GRID2: variants seen among roughly 807,000 people sequenced by gnomAD.
The protein encoded by GRID2 is glutamate ionotropic receptor delta type subunit 2.
GRID2 carries 33 observed loss-of-function variants against 114.8 expected under a neutral mutation model. That is an observed-to-expected ratio of 0.29 (90% CI 0.22 to 0.38). The LOEUF (loss-of-function observed/expected upper bound fraction) is 0.38. Among genes scored for constraint, GRID2 ranks in the 10% least tolerant of loss-of-function variants. The pLI is 1.00. For missense variants in GRID2, 1,184 were observed against 1,257.7 expected, an observed-to-expected ratio of 0.94 and a Z score of 0.89; for synonymous variants, 505 against 449.9, an observed-to-expected ratio of 1.12 and a Z score of -1.55.
intron 1 of GRID2, among the ~76,000 whole-genome samples, chr4:92,360,466 A>T (rs879572900): frequency 6.6e-6 from 1 of 151,968 alleles, no homozygotes; most frequent in Non-Finnish European, 1.5e-5. Context: ...TGAGTGCCAT[A>T]TGCCAGATTC....
At chr4:93,112,557 C>T (rs1259091004) in intron 4 of GRID2, among the ~76,000 whole-genome samples, 2 of 152,176 alleles carry the variant, frequency 1.3e-5, no homozygotes, top group Non-Finnish European at 2.9e-5. Flanking sequence ...TTTCCTGAAG[C>T]CTCCTCAGCC....
At chr4:92,663,706 T>A (rs1489668266) in intron 2 of GRID2, among the ~76,000 whole-genome samples, 1 of 151,168 alleles carries the variant, frequency 6.6e-6, no homozygotes, top group African/African-American at 2.4e-5. Context: ...CTTAAACACA[T>A]TAATGTTGTG....
chr4:93,390,914 A>G (rs751953887), intron 8 of GRID2, among the ~76,000 whole-genome samples: 18 of 152,110 alleles, frequency 1.2e-4, no homozygotes, highest in Non-Finnish European at 2.4e-4. Flanking sequence ...ATCAGTTAAC[A>G]AGTTCTTGTT....
chr4:92,642,534 C>A (rs2149254602), intron 2 of GRID2, among the ~76,000 whole-genome samples: 1 of 151,842 alleles, frequency 6.6e-6, no homozygotes, highest in South Asian at 2.1e-4. Flanking sequence ...GAGATGAGAC[C>A]TTTGTCAGAT....
At chr4:92,776,564 C>T (rs1054480999) in intron 2 of GRID2, among the ~76,000 whole-genome samples, 3 of 151,802 alleles carry the variant, frequency 2.0e-5, no homozygotes, top group Admixed American at 1.3e-4. Flanking sequence ...AAAACTGTTA[C>T]GGTCAATTAG....
chr4:92,642,894 T>C (rs1731428603), intron 2 of GRID2, among the ~76,000 whole-genome samples: 2 of 151,672 alleles, frequency 1.3e-5, no homozygotes, highest in African/African-American at 4.8e-5. Context: ...CTCAGCCTTG[T>C]TGAAGATCAG....
At chr4:93,213,809 C>CT in intron 5 of GRID2, among the ~76,000 whole-genome samples, 1 of 150,842 alleles carries the variant, frequency 6.6e-6, no homozygotes, top group East Asian at 1.9e-4. Context: ...TTCCTTTTTT[C>CT]TTCCTCGGGG....
chr4:93,735,247 G>A (rs1003026704), intron 14 of GRID2, among the ~76,000 whole-genome samples: 4 of 151,916 alleles, frequency 2.6e-5, no homozygotes, highest in Non-Finnish European at 5.9e-5. Context: ...GTACACATTT[G>A]ACTACACAAA....
intron 2 of GRID2, among the ~76,000 whole-genome samples, chr4:92,706,341 T>A (rs974149099): frequency 1.3e-5 from 2 of 152,060 alleles, no homozygotes; most frequent in Non-Finnish European, 2.9e-5. Context: ...ATTTTTAAAG[T>A]TTTTTATTTA....
chr4:92,838,637 C>A (rs1261602400), intron 2 of GRID2: 1 of 151,958 alleles, frequency 6.6e-6, no homozygotes, highest in Non-Finnish European at 1.5e-5. Flanking sequence ...TCAAATGTAA[C>A]CTTGAAAAAA....
rs540113666 is a variant in GRID2 at position 92,439,933 on chromosome 4, G to C, written c.88+135189G>C. ...GGGCATGTATGAGTAGTTGAGAACGGTGAATAGGAGTATGACTAGACAGAA... is the reference window on the plus strand; with the variant it reads ...GGGCATGTATGAGTAGTTGAGAACGCTGAATAGGAGTATGACTAGACAGAA... On this transcript the variant is annotated intron_variant, in intron 1 of 15. Coordinates refer to ENST00000282020, the MANE Select transcript of GRID2 (RefSeq NM_001510.4). Among the ~76,000 whole-genome samples the C allele has an allele frequency of 6.6e-3, 963 of 145,342 alleles. 37 individuals carry two copies. Among genetic ancestry groups the C allele is most frequent in the African/African-American group, 0.022 (901 of 40,574 alleles).
intron 2 of GRID2, among the ~76,000 whole-genome samples, chr4:92,646,202 G>A (rs1343004196): frequency 6.6e-6 from 1 of 152,064 alleles, no homozygotes; most frequent in East Asian, 1.9e-4. Context: ...GTGCCATGGA[G>A]ATACTTTCTT....
At chr4:92,806,896 A>G (rs1740441687) in intron 2 of GRID2, among the ~76,000 whole-genome samples, 1 of 151,962 alleles carries the variant, frequency 6.6e-6, no homozygotes, top group African/African-American at 2.4e-5. Flanking sequence ...AAGTCATTTC[A>G]GAGACCAAAA....
chr4:93,216,616 G>C, intron 5 of GRID2, 122 bp from the exon 6 acceptor site: 1 of 659,550 alleles, frequency 1.5e-6, no homozygotes, highest in Non-Finnish European at 2.7e-6. Context: ...TATGCACTAA[G>C]CATTAAAACC....
intron 2 of GRID2, among the ~76,000 whole-genome samples, chr4:92,886,526 G>GA (rs1746378083): frequency 1.3e-5 from 2 of 151,912 alleles, no homozygotes; most frequent in African/African-American, 4.8e-5. Flanking sequence ...AAATATCCAA[G>GA]AAAGACCTTT....
chr4:92,879,788 A>G (rs1288707372), intron 2 of GRID2, among the ~76,000 whole-genome samples: 2 of 152,200 alleles, frequency 1.3e-5, no homozygotes, highest in African/African-American at 4.8e-5. Context: ...ACATCATGCA[A>G]TGTTTCTATG....
At chr4:93,407,743 TCCTCC>T (rs1766629149) in intron 9 of GRID2, among the ~76,000 whole-genome samples, 1 of 125,098 alleles carries the variant, frequency 8.0e-6, no homozygotes, top group East Asian at 2.3e-4. Context: ...CTCCTCCTCC[TCCTCC>T]TCCTCCTCGT....
At chr4:92,986,787 A>G (rs1409426354) in intron 2 of GRID2, among the ~76,000 whole-genome samples, 1 of 152,174 alleles carries the variant, frequency 6.6e-6, no homozygotes, top group Non-Finnish European at 1.5e-5. Flanking sequence ...AATAATTTAT[A>G]TTTTTAAGTT....
At chr4:93,280,624 T>A (rs1752549998) in intron 8 of GRID2, among the ~76,000 whole-genome samples, 1 of 151,968 alleles carries the variant, frequency 6.6e-6, no homozygotes, top group South Asian at 2.1e-4. Flanking sequence ...ATCCCACTTA[T>A]TGGGTAGGTG....
Sources: gnomAD v4.1 joint callset for allele counts (sites outside exome capture counted in the v4.1 genomes callset) on GRCh38, gnomAD v4.1.1 for gene constraint, MANE v1.5 for transcripts, NCBI Gene and HGNC (gene_info 2026-07-23, HGNC 2026-07-21) for gene names.